The following GRAMD1B variants were observed in gnomAD, a reference collection of about 807,000 sequenced individuals.
The protein encoded by GRAMD1B is protein Aster-B.
GRAMD1B carries 37 observed loss-of-function variants against 99.7 expected under a neutral mutation model. That is an observed-to-expected ratio of 0.37 (90% CI 0.29 to 0.49). The LOEUF is 0.49. GRAMD1B is among the 20% of genes least tolerant of loss of function. The pLI is 0.98. For missense variants in GRAMD1B, 888 were observed against 1,009.2 expected (o/e 0.88, Z 1.63); for synonymous variants, 427 against 387.6 (o/e 1.10, Z -1.19).
At chr11:123,497,880 G>A (rs3016472) in intron 2 of GRAMD1B, among the ~76,000 whole-genome samples, 21,939 of 144,816 alleles carry the variant, frequency 0.15, 1,744 homozygotes, top group Middle Eastern at 0.22. Flanking sequence ...CAGCCTGGGC[G>A]GTAAAGCTAG....
intron 2 of GRAMD1B, among the ~76,000 whole-genome samples, chr11:123,522,128 C>A (rs914863291): frequency 6.6e-6 from 1 of 152,022 alleles, no homozygotes; most frequent in African/African-American, 2.4e-5. Flanking sequence ...TGTATTCATT[C>A]CTAGAGGTTG....
chr11:123,431,126 T>A lies in GRAMD1B; in HGVS notation c.334T>A (p.Trp112Arg), dbSNP rs1488497499. 1 of 702,874 alleles carries A rather than the reference T, an allele frequency of 1.4e-6. No individual in the cohort carries two copies. The highest frequency in any genetic ancestry group is 2.6e-6 in the Non-Finnish European group (1 of 384,996). 43.5% of individuals were successfully genotyped at this position (702,874 alleles called of 1,614,324 possible). The change falls in exon 1 of 20, where the codon TGG becomes AGG. Residue 112 changes from tryptophan to arginine, a missense_variant. Coordinates refer to ENST00000635736, the MANE Select transcript of GRAMD1B (RefSeq NM_001387025.1). ...PRRKRFLLRK[W>R]LRVRERKECS... The stretch of plus-strand genomic sequence containing the variant: ...CCGAAAACGCTTCCTCCTCCGCAAG[T>A]GGCTGAGGGTGAGGGAGCGGAAGGA...
intron 1 of GRAMD1B, among the ~76,000 whole-genome samples, chr11:123,365,648 C>T (rs1946296912): frequency 6.6e-6 from 1 of 152,200 alleles, no homozygotes; most frequent in Admixed American, 6.5e-5. Flanking sequence ...AAGCATCTCG[C>T]TGCAGTTGAT....
At chr11:123,440,044 A>G (rs1162227962) in intron 1 of GRAMD1B, among the ~76,000 whole-genome samples, 2 of 152,226 alleles carry the variant, frequency 1.3e-5, no homozygotes, top group Non-Finnish European at 2.9e-5. Flanking sequence ...TAACCCTTGC[A>G]ATATTTGCCT....
At position 123,449,882 on chromosome 11, in the gene GRAMD1B, C is replaced by T. The variant is rs183545526; in HGVS notation, c.374+18716C>T. ...GTTTACAGGCATGTGCCACTATGCT[C>T]GGCTAGATTTTTCTACTTTTTGTAG... On this transcript the variant is annotated intron_variant, in intron 1 of 19. Coordinates refer to ENST00000635736, the MANE Select transcript of GRAMD1B (RefSeq NM_001387025.1). Among the ~76,000 whole-genome samples the T allele has an allele frequency of 1.2e-3, 189 of 151,912 alleles. 1 individual carries two copies. Among genetic ancestry groups the T allele is most frequent in the African/African-American group, 4.3e-3 (178 of 41,428 alleles).
chr11:123,613,066 C>G, intron 15 of GRAMD1B: 1 of 584,874 alleles, frequency 1.7e-6, no homozygotes. Flanking sequence ...TAGACTGTGT[C>G]TAGGATGTTT....
At chr11:123,440,954 A>C (rs1387275380) in intron 1 of GRAMD1B, among the ~76,000 whole-genome samples, 1 of 152,146 alleles carries the variant, frequency 6.6e-6, no homozygotes, top group Admixed American at 6.5e-5. Flanking sequence ...TAGTTTTAAA[A>C]ATGGGAATTT....
At chr11:123,372,429 G>T (rs556816960) in intron 1 of GRAMD1B, among the ~76,000 whole-genome samples, 7 of 152,276 alleles carry the variant, frequency 4.6e-5, no homozygotes, top group Admixed American at 2.6e-4. Flanking sequence ...AAACTGTCTG[G>T]GAGTAGGTTT....
intron 2 of GRAMD1B, among the ~76,000 whole-genome samples, chr11:123,529,313 G>A (rs2135523081): frequency 6.6e-6 from 1 of 152,298 alleles, no homozygotes; most frequent in South Asian, 2.1e-4. Context: ...TTCAGAGGCT[G>A]GACAATTAGG....
chr11:123,437,832 G>A (rs916815701), intron 1 of GRAMD1B, among the ~76,000 whole-genome samples: 4 of 152,114 alleles, frequency 2.6e-5, no homozygotes, highest in South Asian at 4.2e-4. Context: ...GACTTGTTTC[G>A]GGTTTCAGCT....
At chr11:123,596,508 T>C (rs1951290684) in intron 7 of GRAMD1B, among the ~76,000 whole-genome samples, 1 of 152,186 alleles carries the variant, frequency 6.6e-6, no homozygotes, top group Non-Finnish European at 1.5e-5. Context: ...CTTATCAGTA[T>C]GGGGAGAATA....
At chr11:123,478,211 C>A (rs936371412) in intron 1 of GRAMD1B, among the ~76,000 whole-genome samples, 2 of 151,928 alleles carry the variant, frequency 1.3e-5, no homozygotes, top group Non-Finnish European at 2.9e-5. Context: ...GGGGTCTCAC[C>A]AGGTTGCCCA....
At chr11:123,415,598 T>C (rs572023704) in intron 1 of GRAMD1B, among the ~76,000 whole-genome samples, 5 of 152,034 alleles carry the variant, frequency 3.3e-5, no homozygotes, top group Non-Finnish European at 7.4e-5. Flanking sequence ...ATCATTAAGG[T>C]CTTTGATCTG....
chr11:123,560,433 T>C, intron 2 of GRAMD1B: 1 of 1,189,992 alleles, frequency 8.4e-7, no homozygotes, highest in Admixed American at 3.5e-5. Context: ...TACAGCGGTG[T>C]GAAACAGCAG....
In GRAMD1B at chr11:123,448,409, G is replaced by A. The variant is rs147418053; in HGVS notation, c.374+17243G>A. Among the ~76,000 whole-genome samples the A allele has an allele frequency of 5.6e-3, 855 of 151,998 alleles. 3 individuals are homozygous for A. Among genetic ancestry groups the A allele is most frequent in the South Asian group, 1.0e-2 (48 of 4,804 alleles). Reference sequence around the variant, plus strand: ...TAACTTTTGTATTTTTGGTAGAGACGGGGTTTCGCCATATTGGCCGGGCTG... The same window carrying A: ...TAACTTTTGTATTTTTGGTAGAGACAGGGTTTCGCCATATTGGCCGGGCTG... On this transcript the variant is annotated intron_variant, in intron 1 of 19. Transcript: ENST00000635736.
At chr11:123,544,409 T>C (rs1944857677) in intron 2 of GRAMD1B, among the ~76,000 whole-genome samples, 1 of 152,208 alleles carries the variant, frequency 6.6e-6, no homozygotes, top group Admixed American at 6.5e-5. Context: ...TTCCTAACTC[T>C]TTCTACTCTC....
intron 1 of GRAMD1B, among the ~76,000 whole-genome samples, chr11:123,382,445 T>C (rs1946910692): frequency 6.6e-6 from 1 of 152,136 alleles, no homozygotes; most frequent in African/African-American, 2.4e-5. Context: ...ATTTTTAAAT[T>C]ATTTTGGCTC....
chr11:123,490,388 AG>A (rs1938417754), intron 2 of GRAMD1B, among the ~76,000 whole-genome samples: 1 of 152,180 alleles, frequency 6.6e-6, no homozygotes, highest in Non-Finnish European at 1.5e-5. Context: ...AATAGTCAAA[AG>A]GGTCTTGGTC....
intron 17 of GRAMD1B, among the ~76,000 whole-genome samples, chr11:123,616,193 G>T (rs958442585): frequency 1.3e-5 from 2 of 152,048 alleles, no homozygotes; most frequent in East Asian, 3.9e-4. Flanking sequence ...ATGGTGGCAG[G>T]TGCCTGTAGT....
Sources: allele counts gnomAD v4.1 joint callset (sites outside exome capture counted in the v4.1 genomes callset), GRCh38; gene constraint gnomAD v4.1.1; transcripts MANE v1.5; gene names NCBI Gene and HGNC (gene_info 2026-07-23, HGNC 2026-07-21).